Variants in HORMAD2 observed in about 807,000 individuals in gnomAD.
HORMAD2 encodes HORMA domain-containing protein 2.
In HORMAD2, 45 loss-of-function variants were observed where a neutral mutation model predicts 38.8. That is an observed-to-expected ratio of 1.16 (90% CI 0.91 to 1.49). The LOEUF (loss-of-function observed/expected upper bound fraction) is 1.49. Ranked by LOEUF, HORMAD2 falls within the 40% of genes most tolerant of loss-of-function variation. The pLI, the probability that HORMAD2 is intolerant of heterozygous loss-of-function variation, is 0.00. For synonymous variants in HORMAD2, 126 were observed against 122.8 expected, an observed-to-expected ratio of 1.03 and a Z score of -0.17; for missense variants, 338 against 367.0, an observed-to-expected ratio of 0.92 and a Z score of 0.65.
At position 30,131,985 on chromosome 22, in the gene HORMAD2, C is replaced by T. The variant is rs1054750053; in HGVS notation, c.819+9771C>T. On this transcript the variant is annotated intron_variant, in intron 10 of 10. Coordinates refer to ENST00000336726, the MANE Select transcript of HORMAD2 (RefSeq NM_152510.4). ...TTTCCACGGTAAATAGCAGCATTTA[C>T]GTGTGGACTAGAAAGGTATTTTTCT... Among the ~76,000 whole-genome samples the T allele has an allele frequency of 3.3e-5, 5 of 152,160 alleles. No individual in the cohort carries two copies. In the East Asian group the frequency reaches 5.8e-4, roughly 18 times the overall value.
downstream of HORMAD2, among the ~76,000 whole-genome samples, chr22:30,177,715 CTTTTTTTTTTTT>C (rs59806772): frequency 2.1e-5 from 2 of 94,876 alleles, no homozygotes; most frequent in Non-Finnish European, 4.0e-5. Context: ...TAAGGAGGAG[CTTTTTTTTTTTT>C]TTTTTTTTTC....
intron 10 of HORMAD2, among the ~76,000 whole-genome samples, chr22:30,125,205 C>CT (rs1569099710): frequency 1.0e-4 from 7 of 69,474 alleles, no homozygotes; most frequent in African/African-American, 4.1e-4. Flanking sequence ...TTTTCACTTT[C>CT]TTTTTCTTTT....
At chr22:30,103,287 T>G (rs1920970940) in intron 3 of HORMAD2, 150 bp from the exon 4 acceptor site, 1 of 582,038 alleles carries the variant, frequency 1.7e-6, no homozygotes, top group Admixed American at 3.2e-5. Context: ...TTAAAGTAGA[T>G]GTTTAGAGAT....
chr22:30,181,497 G>A (rs1191950301), downstream of HORMAD2, among the ~76,000 whole-genome samples: 2 of 152,166 alleles, frequency 1.3e-5, no homozygotes, highest in Non-Finnish European at 2.9e-5. Context: ...ATCAGACGAA[G>A]CTTAATATGC....
chr22:30,203,633 C>A, the HORMAD2 span, among the ~76,000 whole-genome samples: 1 of 152,162 alleles, frequency 6.6e-6, no homozygotes, highest in Non-Finnish European at 1.5e-5. Flanking sequence ...CACATGTATA[C>A]GTGCATGTGC....
rs560876046 is a variant in HORMAD2 at position 30,142,234 on chromosome 22, A to C, written c.819+20020A>C. 1.1e-4 allele frequency among the ~76,000 whole-genome samples: 16 copies of C among 152,174 alleles called. No individual in the cohort carries two copies. The South Asian group carries it at 1.9e-3, about 18-fold the overall frequency. On this transcript the variant is annotated intron_variant, in intron 10 of 10. Coordinates refer to ENST00000336726, the MANE Select transcript of HORMAD2 (RefSeq NM_152510.4). ...GTAAAGGTTGTAGTGAGCTGTGATC[A>C]CTCCACTGCACTCCAGCCTGAGCAG...
At chr22:30,152,484 G>T (rs570324333) in intron 10 of HORMAD2, among the ~76,000 whole-genome samples, 2 of 151,264 alleles carry the variant, frequency 1.3e-5, no homozygotes, top group African/African-American at 2.4e-5. Context: ...GTACCACCAC[G>T]CATGACTAAT....
chr22:30,169,571 T>C (rs1057261722), intron 10 of HORMAD2, among the ~76,000 whole-genome samples: 1 of 152,190 alleles, frequency 6.6e-6, no homozygotes, highest in Admixed American at 6.5e-5. Flanking sequence ...ATTAATTGAA[T>C]GGGCAAACCC....
At chr22:30,127,429 G>A (rs778902263) in intron 10 of HORMAD2, among the ~76,000 whole-genome samples, 7 of 151,934 alleles carry the variant, frequency 4.6e-5, no homozygotes, top group African/African-American at 1.7e-4. Flanking sequence ...GGCTGGTCTC[G>A]AACTCCTGAC....
At chr22:30,130,543 G>A (rs1055205771) in intron 10 of HORMAD2, among the ~76,000 whole-genome samples, 2 of 148,560 alleles carry the variant, frequency 1.3e-5, no homozygotes, top group Non-Finnish European at 3.0e-5. Context: ...CATTTAATCT[G>A]CCCCCCACAC....
At position 30,149,248 on chromosome 22, in the gene HORMAD2, A is replaced by G. The variant is rs116998049; in HGVS notation, c.820-26815A>G. On this transcript the variant is annotated intron_variant, in intron 10 of 10. Transcript: ENST00000336726. ...TTTTCATTGGCTCAGTTTTCTCTTTACTTATTCCTAAATCAATTCCAAACT... is the reference window on the plus strand; with the variant it reads ...TTTTCATTGGCTCAGTTTTCTCTTTGCTTATTCCTAAATCAATTCCAAACT... Among the ~76,000 whole-genome samples, 594 of 152,180 alleles carry G rather than the reference A, an allele frequency of 3.9e-3. 1 individual carries two copies. The highest frequency in any genetic ancestry group is 6.3e-3 in the Non-Finnish European group (429 of 68,008).
At chr22:30,093,798 G>A (rs1009768197) in intron 1 of HORMAD2, 118 bp from the exon 2 acceptor site, 2 of 539,640 alleles carry the variant, frequency 3.7e-6, no homozygotes, top group Admixed American at 3.7e-5. Context: ...ATACTTAACT[G>A]TCTTTGATTT....
At chr22:30,103,615 A>G (rs1920980609) in intron 4 of HORMAD2, 115 bp downstream of exon 4, 1 of 345,572 alleles carries the variant, frequency 2.9e-6, no homozygotes, top group Admixed American at 5.7e-5. Flanking sequence ...CTTCTTTTCT[A>G]CTTTCCCTCT....
downstream of HORMAD2, among the ~76,000 whole-genome samples, chr22:30,179,737 T>A (rs1926622889): frequency 6.6e-6 from 1 of 152,100 alleles, no homozygotes; most frequent in Non-Finnish European, 1.5e-5. Flanking sequence ...AAGTTGCACA[T>A]GAGATTTGCT....
chr22:30,093,012 G>A (rs986550185), intron 1 of HORMAD2, among the ~76,000 whole-genome samples: 10 of 151,940 alleles, frequency 6.6e-5, no homozygotes, highest in East Asian at 1.9e-4. Context: ...GTTTTTTTCC[G>A]TTTCTATGAA....
At chr22:30,139,254 C>CTATATATATATATATATATATA (rs3067131) in intron 10 of HORMAD2, among the ~76,000 whole-genome samples, 2 of 96,738 alleles carry the variant, frequency 2.1e-5, no homozygotes, top group Admixed American at 1.0e-4. Flanking sequence ...ATGAACTGTA[C>CTATATATATATATATATATATA]TATATATATA....
intron 10 of HORMAD2, among the ~76,000 whole-genome samples, chr22:30,140,486 T>G (rs537558438): frequency 9.8e-5 from 15 of 152,324 alleles, no homozygotes; most frequent in Admixed American, 9.2e-4. Flanking sequence ...TATATTCATA[T>G]TTTCAATTTC....
intron 5 of HORMAD2, among the ~76,000 whole-genome samples, chr22:30,107,246 G>C (rs1379660687): frequency 1.3e-5 from 2 of 152,158 alleles, no homozygotes; most frequent in African/African-American, 4.8e-5. Context: ...AATGTACAAA[G>C]AGTATCTAGC....
intron 1 of HORMAD2, among the ~76,000 whole-genome samples, chr22:30,084,300 G>C (rs1224194496): frequency 6.6e-6 from 1 of 152,176 alleles, no homozygotes; most frequent in Non-Finnish European, 1.5e-5. Context: ...GTAAGACAGA[G>C]AGAGCAAGGA....
Sources: allele counts gnomAD v4.1 joint callset (sites outside exome capture counted in the v4.1 genomes callset), GRCh38; gene constraint gnomAD v4.1.1; transcripts MANE v1.5; gene names NCBI Gene and HGNC (gene_info 2026-07-23, HGNC 2026-07-21).